The following PHF14 variants were observed in gnomAD, a reference collection of about 807,000 sequenced individuals.
PHF14 encodes PHD finger protein 14.
A neutral mutation model predicts 117.9 loss-of-function variants in PHF14; 55 were observed. The ratio of observed to expected loss-of-function variants is 0.47; its 90% CI spans 0.38 to 0.58. The LOEUF is 0.58. Ranked by LOEUF, PHF14 falls within the 20% of genes least tolerant of loss-of-function variation. The probability of loss-of-function intolerance (pLI) is 0.00; values close to 1 mark genes in which losing one functional copy is unlikely to be tolerated. For missense variants in PHF14, 978 were observed against 1,122.2 expected (o/e 0.87, Z 1.84); for synonymous variants, 409 against 368.6 (o/e 1.11, Z -1.26).
intron 5 of PHF14, among the ~76,000 whole-genome samples, chr7:11,020,184 GCTCAGGTGATC>G (rs1281444281): frequency 6.6e-6 from 1 of 151,918 alleles, no homozygotes; most frequent in Non-Finnish European, 1.5e-5. Context: ...TGCCTCCTGG[GCTCAGGTGATC>G]CTCCCACTGA....
intron 16 of PHF14, among the ~76,000 whole-genome samples, chr7:11,074,210 T>G (rs1298740636): frequency 6.6e-6 from 1 of 151,558 alleles, no homozygotes; most frequent in Non-Finnish European, 1.5e-5. Context: ...TTTTTTTTCT[T>G]TTTTTCTTTT....
chr7:11,065,641 G>A (rs1333369233), intron 16 of PHF14, among the ~76,000 whole-genome samples: 1 of 152,146 alleles, frequency 6.6e-6, no homozygotes, highest in Non-Finnish European at 1.5e-5. Flanking sequence ...TAAGGAAATA[G>A]ATTTGAGAAT....
chr7:11,098,632 A>G (rs944329560), intron 16 of PHF14, among the ~76,000 whole-genome samples: 1 of 152,152 alleles, frequency 6.6e-6, no homozygotes, highest in Non-Finnish European at 1.5e-5. Context: ...AGCAGGGCAT[A>G]TGTTGTCTTC....
intron 4 of PHF14, among the ~76,000 whole-genome samples, chr7:11,004,608 T>C (rs924300986): frequency 6.6e-6 from 1 of 152,156 alleles, no homozygotes; most frequent in Admixed American, 6.5e-5. Flanking sequence ...TCTTAGTTTT[T>C]ATAATGTCAT....
intron 17 of PHF14, among the ~76,000 whole-genome samples, chr7:11,131,843 C>T (rs1296218785): frequency 6.6e-6 from 1 of 151,738 alleles, no homozygotes; most frequent in African/African-American, 2.4e-5. Context: ...CTCTCTCTCT[C>T]ATTCTTTCTT....
At chr7:11,079,158 A>G (rs928330394) in intron 16 of PHF14, among the ~76,000 whole-genome samples, 2 of 152,208 alleles carry the variant, frequency 1.3e-5, no homozygotes, top group African/African-American at 4.8e-5. Flanking sequence ...ATACCTATAT[A>G]TATAGTATGT....
intron 16 of PHF14, chr7:11,104,757 C>G (rs1787203785): frequency 1.6e-6 from 1 of 616,722 alleles, no homozygotes; most frequent in African/African-American, 2.0e-5. Context: ...ACTTTACTCC[C>G]TCCCCCTTCA....
chr7:10,980,310 C>T (rs1486039740), intron 2 of PHF14, among the ~76,000 whole-genome samples: 1 of 152,098 alleles, frequency 6.6e-6, no homozygotes, highest in African/African-American at 2.4e-5. Flanking sequence ...TTAATTATGG[C>T]ATTGCTTCCC....
intron 17 of PHF14, among the ~76,000 whole-genome samples, chr7:11,150,520 A>G (rs1303505714): frequency 6.6e-6 from 1 of 152,158 alleles, no homozygotes; most frequent in African/African-American, 2.4e-5. Context: ...AAAGAAGGAA[A>G]GGAAAGAGAG....
At chr7:11,143,836 G>A (rs1287057940) in intron 17 of PHF14, among the ~76,000 whole-genome samples, 2 of 152,048 alleles carry the variant, frequency 1.3e-5, no homozygotes, top group African/African-American at 2.4e-5. Flanking sequence ...AACCCAAGGT[G>A]CTCTTAAAAC....
intron 13 of PHF14, among the ~76,000 whole-genome samples, chr7:11,048,661 C>G (rs1342945140): frequency 6.6e-6 from 1 of 152,108 alleles, no homozygotes; most frequent in African/African-American, 2.4e-5. Flanking sequence ...TCTTGTGTAC[C>G]AATTAATGTA....
intron 16 of PHF14, among the ~76,000 whole-genome samples, chr7:11,101,311 T>G (rs1313648754): frequency 1.3e-5 from 2 of 151,872 alleles, no homozygotes; most frequent in African/African-American, 4.8e-5. Flanking sequence ...CTATTATTTG[T>G]GCATGTAATT....
At chr7:10,985,689 G>C (rs1782200299) in intron 3 of PHF14, among the ~76,000 whole-genome samples, 1 of 105,902 alleles carries the variant, frequency 9.4e-6, no homozygotes, top group Admixed American at 1.6e-4. Context: ...GTCTCACTCT[G>C]TTGCCTAGGC....
In PHF14 at chr7:11,070,085, A is replaced by G. The variant is rs910953734; in HGVS notation, c.2654+8000A>G. Among the ~76,000 whole-genome samples, 8 of 152,292 alleles carry G rather than the reference A, an allele frequency of 5.3e-5. No individual in the cohort carries two copies. In the South Asian group the frequency reaches 1.0e-3, roughly 20 times the overall value. On this transcript the variant is annotated intron_variant, in intron 16 of 17. Coordinates refer to ENST00000634607, the MANE Select transcript of PHF14 (RefSeq NM_001007157.2). ...GTTTTTAGAATAAATACTTCCTTTC[A>G]TCTTGTGTCATTTTTGGTAAGCTGT...
At chr7:11,075,204 G>A (rs1266560665) in intron 16 of PHF14, among the ~76,000 whole-genome samples, 2 of 152,104 alleles carry the variant, frequency 1.3e-5, no homozygotes, top group African/African-American at 4.8e-5. Context: ...CTCCCAAAGT[G>A]CTGGGATTAC....
At chr7:11,111,039 G>T (rs759091091) in intron 16 of PHF14, 25 of 186,206 alleles carry the variant, frequency 1.3e-4, no homozygotes, top group Non-Finnish European at 2.5e-4. Context: ...TGAAATTGTT[G>T]TGGTTGTTTT....
chr7:10,989,335 G>T (rs533778597), intron 3 of PHF14, among the ~76,000 whole-genome samples: 8 of 151,756 alleles, frequency 5.3e-5, no homozygotes, highest in Non-Finnish European at 1.0e-4. Context: ...GAGTTTAAAA[G>T]AATATAAAAA....
At chr7:11,114,641 T>A (rs1787545998) in intron 17 of PHF14, among the ~76,000 whole-genome samples, 1 of 152,154 alleles carries the variant, frequency 6.6e-6, no homozygotes, top group South Asian at 2.1e-4. Context: ...ACTTTCTCTG[T>A]CTCATCAACT....
At chr7:11,145,271 T>C (rs1389158873) in intron 17 of PHF14, among the ~76,000 whole-genome samples, 1 of 114,972 alleles carries the variant, frequency 8.7e-6, no homozygotes, top group Admixed American at 9.9e-5. Context: ...TAGGTGTATG[T>C]CCTCACTTGC....
Sources: gnomAD v4.1 joint callset for allele counts (sites outside exome capture counted in the v4.1 genomes callset) on GRCh38, gnomAD v4.1.1 for gene constraint, MANE v1.5 for transcripts, NCBI Gene and HGNC (gene_info 2026-07-23, HGNC 2026-07-21) for gene names.